CCDC66: variants seen among roughly 807,000 people sequenced by gnomAD.
The protein encoded by CCDC66 is coiled-coil domain-containing protein 66.
Under a neutral mutation model 128.3 loss-of-function variants are expected in CCDC66, and 133 were observed. The ratio of observed to expected loss-of-function variants is 1.04; its 90% confidence interval spans 0.90 to 1.20. The LOEUF (loss-of-function observed/expected upper bound fraction) is 1.20, where lower values mean the gene tolerates loss of function less well. Among genes scored for constraint, CCDC66 ranks in the 50% most tolerant of loss-of-function variants. The pLI, the probability that CCDC66 is intolerant of heterozygous loss-of-function variation, is 0.00. For synonymous variants in CCDC66, 387 were observed against 357.0 expected, an observed-to-expected ratio of 1.08 and a Z score of -0.95; for missense variants, 1,126 against 1,075.5, an observed-to-expected ratio of 1.05 and a Z score of -0.66.
At chr3:56,583,792 C>T (rs1368853836) in intron 7 of CCDC66, among the ~76,000 whole-genome samples, 9 of 151,866 alleles carry the variant, frequency 5.9e-5, no homozygotes, top group East Asian at 2.0e-4. Context: ...CATCATGGCC[C>T]GTTCTCAATG....
In CCDC66 at chr3:56,617,490, T is replaced by C. The variant is rs1329193380; in HGVS notation, c.2222T>C (p.Leu741Ser). The change falls in exon 14 of 18, where the codon TTG becomes TCG. Residue 741 changes from leucine (L) to serine (S), a missense_variant. Physicochemically the swap from Leu to Ser is moderately radical, Grantham distance 145 (BLOSUM62 -2). Transcript: ENST00000394672. ...KVRRQMELLHLVEKNNPGHLS... is the reference protein window; with the variant it reads ...KVRRQMELLHSVEKNNPGHLS... ...AGGAGGCAGATGGAATTGCTTCATT[T>C]GGTAGAAAAAAATAATCCTGGGCAC... 2 of 1,614,010 alleles carry C rather than the reference T, an allele frequency of 1.2e-6. No homozygotes were observed. The highest frequency in any genetic ancestry group is 1.7e-6 in the Non-Finnish European group (2 of 1,179,970).
intron 7 of CCDC66, among the ~76,000 whole-genome samples, chr3:56,574,177 C>A (rs969129367): frequency 2.6e-5 from 4 of 151,386 alleles, no homozygotes; most frequent in African/African-American, 9.7e-5. Context: ...TCCCAGCCAA[C>A]GTGGTGAAAC....
intron 7 of CCDC66, among the ~76,000 whole-genome samples, chr3:56,587,310 G>T (rs2069960492): frequency 6.6e-6 from 1 of 151,842 alleles, no homozygotes; most frequent in African/African-American, 2.4e-5. Flanking sequence ...TTATTAGTTT[G>T]TTCTCTCATT....
intron 6 of CCDC66, among the ~76,000 whole-genome samples, chr3:56,567,444 A>G (rs1177453540): frequency 1.3e-5 from 2 of 152,234 alleles, no homozygotes; most frequent in South Asian, 2.1e-4. Flanking sequence ...GGCCAAGGGA[A>G]AACGTCCCCT....
chr3:56,598,494 G>T (rs2072544564), intron 10 of CCDC66, among the ~76,000 whole-genome samples: 1 of 151,794 alleles, frequency 6.6e-6, no homozygotes, highest in Non-Finnish European at 1.5e-5. Context: ...TTTTGTTTTA[G>T]CTCTTAGGGG....
intron 7 of CCDC66, among the ~76,000 whole-genome samples, chr3:56,591,162 T>C (rs1247346858): frequency 1.3e-5 from 2 of 152,158 alleles, no homozygotes; most frequent in Non-Finnish European, 2.9e-5. Flanking sequence ...AGAAATGAAA[T>C]GCAGTTAAGT....
intron 13 of CCDC66, chr3:56,616,478 G>T: frequency 5.7e-6 from 1 of 175,752 alleles, no homozygotes; most frequent in Non-Finnish European, 1.2e-5. Context: ...GTTCATCCAT[G>T]TTGTAGCATG....
intron 14 of CCDC66, 140 bp from the exon 15 acceptor site, chr3:56,618,032 A>G (rs1001670668): frequency 8.9e-5 from 63 of 704,464 alleles, no homozygotes; most frequent in Middle Eastern, 7.9e-4. Flanking sequence ...GGAAAAAACT[A>G]TATCTATTCC....
intron 10 of CCDC66, among the ~76,000 whole-genome samples, chr3:56,610,507 T>A (rs940213869): frequency 1.3e-5 from 2 of 152,252 alleles, no homozygotes; most frequent in Non-Finnish European, 2.9e-5. Context: ...GCATTGGGCT[T>A]CGCCTTTCTC....
At chr3:56,610,777 G>A (rs116638998) in intron 10 of CCDC66, among the ~76,000 whole-genome samples, 319 of 152,240 alleles carry the variant, frequency 2.1e-3, no homozygotes, top group African/African-American at 6.6e-3. Flanking sequence ...TATGTATTAC[G>A]CTTCCCCCTT....
In CCDC66 at chr3:56,613,808, TCTCA is replaced by T. The variant is rs2075157763; in HGVS notation, c.1566+62_1566+65del. 3.5e-6 allele frequency: 5 copies of T among 1,443,582 alleles called. No individual in the cohort carries two copies. In the East Asian group the frequency reaches 9.2e-5, roughly 27 times the overall value. 89.4% of individuals were successfully genotyped at this position (1,443,582 alleles called of 1,614,324 possible). A position where few individuals can be genotyped will look rare whatever the true frequency, so the allele number is the denominator to read the frequency against. On this transcript the variant is annotated intron_variant, in intron 11 of 17. Coordinates refer to ENST00000394672, the MANE Select transcript of CCDC66 (RefSeq NM_001141947.3). ...TTTTGTTTGTGTTTTTGAGACAGGG[TCTCA>T]CTCTTTTGCCCAGGTTGGAGTGCAG...
At chr3:56,605,581 C>T (rs1161782609) in intron 10 of CCDC66, among the ~76,000 whole-genome samples, 2 of 152,002 alleles carry the variant, frequency 1.3e-5, no homozygotes, top group African/African-American at 4.8e-5. Context: ...TCCTGTTTGC[C>T]TGGGTATCAC....
At chr3:56,566,866 A>G (rs754774237) in intron 5 of CCDC66, 84 bp from the exon 6 acceptor site, 6 of 1,474,590 alleles carry the variant, frequency 4.1e-6, no homozygotes, top group Non-Finnish European at 5.6e-6. Flanking sequence ...AGAGCTATTT[A>G]AAAGCTTATT....
Position 56,619,914 on chromosome 3 carries a change from T to C in CCDC66, c.2760+13T>C. ...AGAACTGAGACAGGTATGAGCTTTT[T>C]CAAGTGTAGATATGTCTGTTCTTTA... On this transcript the variant is annotated intron_variant, in intron 17 of 17. Coordinates refer to ENST00000394672, the MANE Select transcript of CCDC66 (RefSeq NM_001141947.3). 6.2e-7 allele frequency: 1 copy of C among 1,613,022 alleles called. No homozygotes were observed. The highest frequency in any genetic ancestry group is 1.1e-5 in the South Asian group (1 of 90,882).
intron 10 of CCDC66, among the ~76,000 whole-genome samples, chr3:56,600,365 T>G (rs1215086096): frequency 6.6e-6 from 1 of 151,874 alleles, no homozygotes. Context: ...GCCAGGATGG[T>G]CTCAATCTCC....
chr3:56,607,882 T>C (rs767845311), intron 10 of CCDC66, among the ~76,000 whole-genome samples: 9 of 152,240 alleles, frequency 5.9e-5, no homozygotes, highest in Non-Finnish European at 1.3e-4. Flanking sequence ...TTTTTCTGCA[T>C]CTATTGAGAT....
At chr3:56,582,849 T>TTTATTATTATTATTATTATTA (rs66485521) in intron 7 of CCDC66, among the ~76,000 whole-genome samples, 1 of 134,888 alleles carries the variant, frequency 7.4e-6, no homozygotes, top group Admixed American at 7.9e-5. Context: ...CTCAACTTTC[T>TTTATTATTATTATTATTATTA]TTATTATTAT....
At chr3:56,620,588 A>T (rs1238971903) in intron 17 of CCDC66, 4 of 152,120 alleles carry the variant, frequency 2.6e-5, no homozygotes, top group Non-Finnish European at 5.9e-5. Flanking sequence ...GTTGACTCAG[A>T]TGTTTTTCCC....
Position 56,617,535 on chromosome 3 carries a change from T to C in CCDC66, c.2267T>C (p.Ile756Thr), listed in dbSNP as rs2075667636. The C allele has an allele frequency of 5.6e-6, 9 of 1,610,340 alleles. No homozygotes were observed. The highest frequency in any genetic ancestry group is 7.6e-6 in the Non-Finnish European group (9 of 1,179,188). The part of the protein sequence containing the change: ...NPGHLSQNRG[I>T]SPEIFHSSHQ... Reference sequence around the variant, plus strand: ...GGGCACCTCTCTCAAAACAGAGGCATTTCACCAGAAATTTTTCATTCATCT... The same window carrying C: ...GGGCACCTCTCTCAAAACAGAGGCACTTCACCAGAAATTTTTCATTCATCT... Residue 756 changes from isoleucine to threonine, a missense_variant, in exon 14 of 18, where the codon ATT becomes ACT. Coordinates refer to ENST00000394672, the MANE Select transcript of CCDC66 (RefSeq NM_001141947.3).
Sources: allele counts gnomAD v4.1 joint callset (sites outside exome capture counted in the v4.1 genomes callset), GRCh38; gene constraint gnomAD v4.1.1; transcripts MANE v1.5; gene names NCBI Gene and HGNC (gene_info 2026-07-23, HGNC 2026-07-21).